The following GPC6 variants were observed in gnomAD, a reference collection of about 807,000 sequenced individuals.
GPC6 encodes glypican 6.
Under a neutral mutation model 55.2 loss-of-function variants are expected in GPC6, and 14 were observed. The observed-to-expected ratio is 0.25, with a 90% CI of 0.17 to 0.40. The LOEUF (loss-of-function observed/expected upper bound fraction) is 0.40. Ranked by LOEUF, GPC6 falls within the 10% of genes least tolerant of loss-of-function variation. The pLI, the probability that GPC6 is intolerant of heterozygous loss-of-function variation, is 1.00. For missense variants in GPC6, 641 were observed against 708.5 expected (o/e 0.90, Z 1.08); for synonymous variants, 278 against 259.6 (o/e 1.07, Z -0.68).
At chr13:93,452,066 C>T (rs1253343681) in intron 1 of GPC6, among the ~76,000 whole-genome samples, 1 of 152,108 alleles carries the variant, frequency 6.6e-6, no homozygotes, top group Non-Finnish European at 1.5e-5. Flanking sequence ...TTTTATGTTA[C>T]AGTAAACTTT....
At chr13:93,430,568 T>C in intron 1 of GPC6, among the ~76,000 whole-genome samples, 1 of 152,078 alleles carries the variant, frequency 6.6e-6, no homozygotes, top group Non-Finnish European at 1.5e-5. Context: ...GAACAACTTG[T>C]AGAATAGACC....
intron 4 of GPC6, among the ~76,000 whole-genome samples, chr13:94,184,866 T>C (rs1019891005): frequency 6.6e-6 from 1 of 152,164 alleles, no homozygotes; most frequent in African/African-American, 2.4e-5. Flanking sequence ...GCACTATTCA[T>C]AATAGCAAAT....
intron 2 of GPC6, among the ~76,000 whole-genome samples, chr13:93,547,657 G>C (rs1352292312): frequency 6.6e-6 from 1 of 151,866 alleles, no homozygotes; most frequent in African/African-American, 2.4e-5. Context: ...TCTTATTGCA[G>C]TTGCATTGAG....
At chr13:93,429,796 G>A (rs1336703492) in intron 1 of GPC6, among the ~76,000 whole-genome samples, 1 of 152,070 alleles carries the variant, frequency 6.6e-6, no homozygotes, top group Non-Finnish European at 1.5e-5. Context: ...GGGACAGTCT[G>A]TCCTTCATGC....
chr13:94,375,370 C>T (rs1879797532), intron 6 of GPC6, among the ~76,000 whole-genome samples: 1 of 152,110 alleles, frequency 6.6e-6, no homozygotes, highest in Non-Finnish European at 1.5e-5. Flanking sequence ...GGGGATATCA[C>T]CACCGATCCC....
chr13:94,228,173 C>T (rs1890614605), intron 4 of GPC6, among the ~76,000 whole-genome samples: 1 of 152,124 alleles, frequency 6.6e-6, no homozygotes, highest in Non-Finnish European at 1.5e-5. Context: ...AGTTCTCTTT[C>T]TAATGCCTGC....
At chr13:94,133,832 T>G (rs551684717) in intron 4 of GPC6, among the ~76,000 whole-genome samples, 57 of 152,154 alleles carry the variant, frequency 3.7e-4, no homozygotes, top group African/African-American at 1.3e-3. Flanking sequence ...GAGCCATAAA[T>G]GGAGCCATTG....
chr13:93,727,551 A>T (rs1056508418), intron 2 of GPC6, among the ~76,000 whole-genome samples: 1 of 152,106 alleles, frequency 6.6e-6, no homozygotes, highest in African/African-American at 2.4e-5. Context: ...GAAGATAATA[A>T]ATGTTTTGGG....
intron 2 of GPC6, among the ~76,000 whole-genome samples, chr13:93,779,378 A>T (rs993796305): frequency 6.6e-6 from 1 of 152,174 alleles, no homozygotes; most frequent in Non-Finnish European, 1.5e-5. Context: ...TGTTCCTTCA[A>T]CTCATTCTGG....
chr13:94,272,747 C>A (rs1300656126), intron 4 of GPC6, among the ~76,000 whole-genome samples: 1 of 152,046 alleles, frequency 6.6e-6, no homozygotes, highest in Non-Finnish European at 1.5e-5. Context: ...GGATTACAGG[C>A]ATGAGACACC....
At chr13:93,310,815 A>G (rs2139108036) in intron 1 of GPC6, among the ~76,000 whole-genome samples, 1 of 152,320 alleles carries the variant, frequency 6.6e-6, no homozygotes, top group East Asian at 1.9e-4. Flanking sequence ...TCGTTTTGGT[A>G]TTTGAATAAC....
At chr13:93,670,326 GC>G (rs1179039108) in intron 2 of GPC6, among the ~76,000 whole-genome samples, 1 of 152,174 alleles carries the variant, frequency 6.6e-6, no homozygotes, top group Non-Finnish European at 1.5e-5. Context: ...GAAGATGACT[GC>G]CATGTCTTAG....
chr13:93,789,479 T>A (rs1885922717), intron 2 of GPC6, among the ~76,000 whole-genome samples: 1 of 116,000 alleles, frequency 8.6e-6, no homozygotes, highest in Non-Finnish European at 1.7e-5. Context: ...AATATGTGAG[T>A]GAACTCTCTC....
intron 6 of GPC6, among the ~76,000 whole-genome samples, chr13:94,333,048 G>A (rs1396968204): frequency 6.6e-6 from 1 of 152,164 alleles, no homozygotes; most frequent in African/African-American, 2.4e-5. Context: ...ATCAGGGATG[G>A]GAAAGGATTC....
At chr13:93,754,722 C>A (rs958484490) in intron 2 of GPC6, among the ~76,000 whole-genome samples, 3 of 151,638 alleles carry the variant, frequency 2.0e-5, no homozygotes, top group Admixed American at 6.6e-5. Context: ...AAACTAAAAT[C>A]GATGGAACTA....
At chr13:93,752,512 C>T (rs1594426952) in intron 2 of GPC6, among the ~76,000 whole-genome samples, 1 of 151,636 alleles carries the variant, frequency 6.6e-6, no homozygotes, top group Non-Finnish European at 1.5e-5. Flanking sequence ...CAATCTATTA[C>T]CACTGGCAAC....
chr13:94,131,323 T>C (rs1353427178), intron 4 of GPC6, among the ~76,000 whole-genome samples: 1 of 152,112 alleles, frequency 6.6e-6, no homozygotes, highest in Non-Finnish European at 1.5e-5. Flanking sequence ...CTTTAAAAAT[T>C]CAAAAAATAA....
chr13:94,093,789 T>A (rs1051951848), intron 4 of GPC6, among the ~76,000 whole-genome samples: 1 of 152,094 alleles, frequency 6.6e-6, no homozygotes, highest in Non-Finnish European at 1.5e-5. Context: ...TATTGTTTGA[T>A]GACCTGATGG....
At chr13:94,140,718 C>T (rs768436597) in intron 4 of GPC6, among the ~76,000 whole-genome samples, 18 of 152,090 alleles carry the variant, frequency 1.2e-4, no homozygotes, top group Admixed American at 4.6e-4. Context: ...TCATTGTAAA[C>T]CTCCAGAGGG....
Sources: gnomAD v4.1 joint callset for allele counts (sites outside exome capture counted in the v4.1 genomes callset) on GRCh38, gnomAD v4.1.1 for gene constraint, MANE v1.5 for transcripts, NCBI Gene and HGNC (gene_info 2026-07-23, HGNC 2026-07-21) for gene names.